Variants in NOS1 observed in about 807,000 individuals in gnomAD.
NOS1 encodes nitric oxide synthase 1.
Under a neutral mutation model 164.5 loss-of-function variants are expected in NOS1, and 51 were observed. The ratio of observed to expected loss-of-function variants is 0.31; its 90% CI spans 0.25 to 0.39. The LOEUF is 0.39. Among genes scored for constraint, NOS1 ranks in the 10% least tolerant of loss-of-function variants. The probability of loss-of-function intolerance (pLI) is 1.00; values close to 1 mark genes in which losing one functional copy is unlikely to be tolerated. For synonymous variants in NOS1, 719 were observed against 745.8 expected, an observed-to-expected ratio of 0.96 and a Z score of 0.59; for missense variants, 1,362 against 1,885.6, an observed-to-expected ratio of 0.72 and a Z score of 5.14.
At chr12:117,255,076 C>T (rs1440201131) in intron 16 of NOS1, among the ~76,000 whole-genome samples, 5 of 151,986 alleles carry the variant, frequency 3.3e-5, no homozygotes, top group Non-Finnish European at 7.4e-5. Context: ...ACATTGTGCA[C>T]ATGTACCCTA....
At chr12:117,316,482 T>C (rs1356191319) in intron 2 of NOS1, among the ~76,000 whole-genome samples, 1 of 152,212 alleles carries the variant, frequency 6.6e-6, no homozygotes, top group Non-Finnish European at 1.5e-5. Context: ...AGCCAACTCC[T>C]ACTCAGCCTT....
In NOS1 at chr12:117,214,064, AC is replaced by A; in HGVS notation, c.*1244del. On this transcript the variant is annotated 3_prime_UTR_variant, in exon 29 of 29. Transcript: ENST00000317775. ...CAAGCCTGAGGGACAAGTTCTTCCC[AC>A]CCCAAGTTGTGGCTCCTATCGAAGA... is the stretch of plus-strand genomic sequence containing the variant. 1 of 985,324 alleles carries A rather than the reference AC, an allele frequency of 1.0e-6. No homozygotes were observed. The highest frequency in any genetic ancestry group is 1.2e-6 in the Non-Finnish European group (1 of 829,924). The allele number at this position is 985,324 out of a possible 1,614,324, so 61.0% of individuals were successfully genotyped here.
chr12:117,285,456 C>T (rs1395492964), intron 6 of NOS1, 124 bp from the exon 7 acceptor site: 2 of 488,660 alleles, frequency 4.1e-6, no homozygotes, highest in South Asian at 3.1e-5. Context: ...GTGAAGTGGG[C>T]ACCTCATTAC....
intron 11 of NOS1, among the ~76,000 whole-genome samples, chr12:117,266,921 C>T (rs1872466547): frequency 6.6e-6 from 1 of 152,202 alleles, no homozygotes; most frequent in Non-Finnish European, 1.5e-5. Context: ...ACATGCCACA[C>T]TCCTGAAACC....
chr12:117,247,197 T>C, intron 18 of NOS1, 151 bp downstream of exon 18: 4 of 542,086 alleles, frequency 7.4e-6, no homozygotes, highest in East Asian at 3.2e-5. Context: ...CCCAAATTTG[T>C]CTGAGCTGTT....
In NOS1 at chr12:117,243,217, C is replaced by T. The variant is rs1870329594; in HGVS notation, c.2962+80G>A. ...ATCAAAGCAATGAAGCCCATCTTCT[C>T]TAAGCACCTTCTGGAGGTGAGATCA... On this transcript the variant is annotated intron_variant, in intron 19 of 28. Transcript: ENST00000317775. This position sits in a 1 kb window ranked among gnomAD's most constrained non-coding sequence, Gnocchi z 4.3. 5.1e-6 allele frequency: 8 copies of T among 1,564,944 alleles called. No individual in the cohort carries two copies. In the South Asian group the frequency reaches 9.6e-5, roughly 19 times the overall value.
chr12:117,351,897 C>A (rs1320870655), intron 1 of NOS1, among the ~76,000 whole-genome samples: 1 of 152,166 alleles, frequency 6.6e-6, no homozygotes, highest in East Asian at 1.9e-4. Context: ...TGTTCAAGAA[C>A]CTGCTGAGCA....
chr12:117,240,955 T>C (rs913993457), intron 20 of NOS1, among the ~76,000 whole-genome samples: 1 of 151,588 alleles, frequency 6.6e-6, no homozygotes, highest in African/African-American at 2.4e-5. Context: ...TTTTTTTTTT[T>C]TTGAGACAGA....
intron 1 of NOS1, among the ~76,000 whole-genome samples, chr12:117,341,027 T>G (rs186535224): frequency 4.7e-4 from 72 of 152,044 alleles, no homozygotes; most frequent in African/African-American, 1.7e-3. Flanking sequence ...GCCCAGCCAA[T>G]AGTTAACGTT....
In NOS1 at chr12:117,220,076, C is replaced by T. The variant is rs1956677642; in HGVS notation, c.4169G>A (p.Arg1390Lys). 6.2e-7 allele frequency: 1 copy of T among 1,604,588 alleles called. No homozygotes were observed. The highest frequency in any genetic ancestry group is 8.5e-7 in the Non-Finnish European group (1 of 1,175,172). Residue 1390 changes from arginine (R) to lysine (K), a missense_variant and splice_region_variant, in exon 27 of 29, where the codon AGG becomes AAG. Arg to Lys is a conservative substitution (Grantham distance 26). Coordinates refer to ENST00000317775, the MANE Select transcript of NOS1 (RefSeq NM_000620.5). ...CTGGGAAGTCAGCCTGTCACTCACC[C>T]TCATCCGGCTGATGAATACGCCGGC... ...EDAGVFISRM[R>K]DDNRYHEDIF... is the part of the protein sequence containing the mutation.
Position 117,311,515 on chromosome 12 carries a change from T to A in NOS1, c.803A>T (p.Lys268Met), listed in dbSNP as rs372978384. ...GTTGAGGACGACAGGCACATTGCCC[T>A]TCCCCCATAGGTCATTGAAGACTCG... ...NDRVFNDLWG[K>M]GNVPVVLNNP... Residue 268 changes from lysine (K) to methionine (M), a missense_variant, in exon 3 of 29, where the codon AAG becomes ATG. By Grantham distance (95) the Lys-to-Met change is moderately conservative. Around this residue, in one of 4 missense-constraint regions of NOS1, gnomAD observed 362 missense variants for 402.0 expected, o/e 0.90. Transcript: ENST00000317775. 32 of 1,612,542 alleles carry A rather than the reference T, an allele frequency of 2.0e-5. No individual in the cohort carries two copies. The highest frequency in any genetic ancestry group is 2.7e-5 in the Non-Finnish European group (32 of 1,179,446).
At position 117,208,746 on chromosome 12, in the gene NOS1, C is replaced by T. The variant is rs1956482566; in HGVS notation, c.*6563G>A. ...GGGAGGGCTTTTTTTTTTTTTTCCA[C>T]AGGGTCTCATTCTGTCAACAAGCTG... On this transcript the variant is annotated 3_prime_UTR_variant, in exon 29 of 29. Coordinates refer to ENST00000317775, the MANE Select transcript of NOS1 (RefSeq NM_000620.5). 3.1e-6 allele frequency: 3 copies of T among 979,152 alleles called. No homozygotes were observed. The highest frequency in any genetic ancestry group is 2.4e-5 in the African/African-American group (1 of 42,464). The allele number at this position is 979,152 out of a possible 1,614,324, so 60.7% of individuals were successfully genotyped here.
At chr12:117,322,693 C>A (rs1182019419) in intron 2 of NOS1, among the ~76,000 whole-genome samples, 1 of 141,796 alleles carries the variant, frequency 7.1e-6, no homozygotes, top group African/African-American at 2.6e-5. Context: ...TTCCTTCCTT[C>A]CTTCCCTCCT....
At chr12:117,278,188 G>A in intron 8 of NOS1, 90 bp from the exon 9 acceptor site, 2 of 1,397,934 alleles carry the variant, frequency 1.4e-6, no homozygotes, top group Non-Finnish European at 1.9e-6. Flanking sequence ...GGTGGATAGA[G>A]ATCCAAATGC....
chr12:117,297,593 T>C (rs970750178), intron 3 of NOS1, among the ~76,000 whole-genome samples: 2 of 151,886 alleles, frequency 1.3e-5, no homozygotes, highest in South Asian at 2.1e-4. Flanking sequence ...GGTTTCTTCA[T>C]GTTGGTTGGG....
chr12:117,275,887 C>T (rs1489597288), intron 9 of NOS1, among the ~76,000 whole-genome samples: 1 of 151,890 alleles, frequency 6.6e-6, no homozygotes, highest in African/African-American at 2.4e-5. Context: ...TATTCATTCC[C>T]AGGTTTGAGT....
In NOS1 at chr12:117,313,440, G is replaced by A. The variant is rs140459040; in HGVS notation, c.726-1848C>T. On this transcript the variant is annotated intron_variant, in intron 2 of 28. Coordinates refer to ENST00000317775, the MANE Select transcript of NOS1 (RefSeq NM_000620.5). ...CCCTCCAGTAGCTGGGACTACAGGC[G>A]TGCACCACCCTGCCTGGCAATGTTT... 6.9e-3 allele frequency among the ~76,000 whole-genome samples: 1,057 copies of A among 152,176 alleles called. 4 individuals carry two copies. The highest frequency in any genetic ancestry group is 0.012 in the Non-Finnish European group (830 of 67,986).
Position 117,214,914 on chromosome 12 carries a change from T to G in NOS1, c.*395A>C. 1 of 1,016,574 alleles carries G rather than the reference T, an allele frequency of 9.8e-7. No homozygotes were observed. The highest frequency in any genetic ancestry group is 8.9e-5 in the East Asian group (1 of 11,290). The allele number at this position is 1,016,574 out of a possible 1,614,324, so 63.0% of individuals were successfully genotyped here. ...ATCATAAAAAAGGAGAAAGGGGGACTTCAGTGGCTGAGGGACTGGCTCAGA... is the reference window on the plus strand; with the variant it reads ...ATCATAAAAAAGGAGAAAGGGGGACGTCAGTGGCTGAGGGACTGGCTCAGA... On this transcript the variant is annotated 3_prime_UTR_variant, in exon 29 of 29. Transcript: ENST00000317775.
intron 12 of NOS1, among the ~76,000 whole-genome samples, chr12:117,265,010 TAA>T (rs528771683): frequency 2.1e-5 from 3 of 142,308 alleles, no homozygotes; most frequent in East Asian, 2.1e-4. Context: ...GCCTGCTAAT[TAA>T]AAAAAAAAAA....
Sources: gnomAD v4.1 joint callset for allele counts (sites outside exome capture counted in the v4.1 genomes callset) on GRCh38, gnomAD v4.1.1 for gene constraint, gnomAD v4.1.1 regional missense constraint, Gnocchi (gnomAD v3.1) non-coding constraint, MANE v1.5 for transcripts, NCBI Gene and HGNC (gene_info 2026-07-23, HGNC 2026-07-21) for gene names.